SGCD: variants seen among roughly 807,000 people sequenced by gnomAD.
SGCD encodes sarcoglycan delta, also known as delta-sarcoglycan.
A neutral mutation model predicts 36.6 loss-of-function variants in SGCD; 18 were observed. The observed-to-expected ratio is 0.49, with a 90% CI of 0.34 to 0.73. The LOEUF (loss-of-function observed/expected upper bound fraction) is 0.73, where lower values mean the gene tolerates loss of function less well. SGCD is among the 30% of genes least tolerant of loss of function. SGCD has a pLI of 0.01. For synonymous variants in SGCD, 133 were observed against 130.6 expected (o/e 1.02, Z -0.12); for missense variants, 387 against 346.7 (o/e 1.12, Z -0.92).
intron 2 of SGCD, among the ~76,000 whole-genome samples, chr5:156,122,648 A>G (rs1275782820): frequency 4.0e-5 from 6 of 151,776 alleles, no homozygotes; most frequent in African/African-American, 1.5e-4. Flanking sequence ...TGCATCAAAT[A>G]TCAAGCAGGA....
chr5:156,085,430 T>C (rs1761069071), intron 1 of SGCD, among the ~76,000 whole-genome samples: 5 of 152,180 alleles, frequency 3.3e-5, no homozygotes, highest in Admixed American at 3.3e-4. Flanking sequence ...CCTCTTCCTC[T>C]GGCTTTTGCC....
chr5:156,675,179 T>G (rs1166428406), intron 7 of SGCD, among the ~76,000 whole-genome samples: 2 of 152,164 alleles, frequency 1.3e-5, no homozygotes, highest in African/African-American at 2.4e-5. Context: ...CTGTCTCAGT[T>G]CCCTCATTTG....
chr5:156,346,781 TA>T (rs70984405), intron 3 of SGCD, among the ~76,000 whole-genome samples: 1 of 151,564 alleles, frequency 6.6e-6, no homozygotes, highest in Admixed American at 6.6e-5. Context: ...GGCTTTACTT[TA>T]TTTTTTTATT....
intron 6 of SGCD, among the ~76,000 whole-genome samples, chr5:156,642,493 G>A (rs541912756): frequency 9.2e-4 from 119 of 129,790 alleles, no homozygotes; most frequent in African/African-American, 3.1e-3. Flanking sequence ...TTTCCAAGAC[G>A]GAGTCTTGTT....
intron 4 of SGCD, among the ~76,000 whole-genome samples, chr5:156,519,822 C>T (rs752677262): frequency 2.0e-5 from 3 of 152,070 alleles, no homozygotes; most frequent in Admixed American, 6.6e-5. Context: ...CATTCCTTCC[C>T]GTTAAAAAAC....
chr5:156,486,513 C>T (rs1266192273), intron 3 of SGCD, among the ~76,000 whole-genome samples: 1 of 152,138 alleles, frequency 6.6e-6, no homozygotes, highest in Non-Finnish European at 1.5e-5. Flanking sequence ...CTCTGCCTAT[C>T]ACCACCCCTG....
chr5:155,822,561 GA>G, the SGCD span, among the ~76,000 whole-genome samples: 119,435 of 152,120 alleles, frequency 0.79, 47,269 homozygotes, highest in East Asian at 0.91. Flanking sequence ...TGGAACAAAG[GA>G]AAAAATCTAT....
chr5:155,728,024 G>T, the SGCD span, among the ~76,000 whole-genome samples: 1 of 152,024 alleles, frequency 6.6e-6, no homozygotes, highest in South Asian at 2.1e-4. Flanking sequence ...CCCGCGTTTC[G>T]CTGGGGCTCC....
intron 4 of SGCD, among the ~76,000 whole-genome samples, chr5:156,536,810 C>T (rs1037701163): frequency 6.6e-6 from 1 of 152,132 alleles, no homozygotes; most frequent in Non-Finnish European, 1.5e-5. Context: ...TTTCAAACCT[C>T]ATTCAAAGTT....
chr5:156,683,567 TC>T (rs1173850256), intron 7 of SGCD, among the ~76,000 whole-genome samples: 14 of 152,340 alleles, frequency 9.2e-5, no homozygotes, highest in African/African-American at 3.1e-4. Context: ...CTGACACAGG[TC>T]CAAATGTCTT....
At chr5:156,749,310 A>G (rs1418690767) in intron 7 of SGCD, among the ~76,000 whole-genome samples, 1 of 152,212 alleles carries the variant, frequency 6.6e-6, no homozygotes, top group Non-Finnish European at 1.5e-5. Flanking sequence ...GTCAAAGAAA[A>G]ATTCATAACT....
intron 6 of SGCD, among the ~76,000 whole-genome samples, chr5:156,607,055 T>C (rs1444926852): frequency 6.6e-6 from 1 of 152,218 alleles, no homozygotes; most frequent in Non-Finnish European, 1.5e-5. Flanking sequence ...CCTGCCTAAT[T>C]GCCCTGGCCA....
chr5:156,044,891 G>T (rs559892953), intron 1 of SGCD, among the ~76,000 whole-genome samples: 1 of 152,002 alleles, frequency 6.6e-6, no homozygotes, highest in Non-Finnish European at 1.5e-5. Context: ...ATACACACAT[G>T]CACACTGCCT....
chr5:156,666,769 T>A (rs990974055), intron 7 of SGCD, among the ~76,000 whole-genome samples: 3 of 151,718 alleles, frequency 2.0e-5, no homozygotes, highest in African/African-American at 7.3e-5. Context: ...GGTCATAGAT[T>A]AACAGAATCT....
chr5:155,882,242 T>A (rs574944558), intron 1 of SGCD, among the ~76,000 whole-genome samples: 1 of 152,060 alleles, frequency 6.6e-6, no homozygotes, highest in South Asian at 2.1e-4. Flanking sequence ...CACCTGACTT[T>A]TTTTTAAAAA....
chr5:156,270,759 G>T (rs907553720), intron 3 of SGCD, among the ~76,000 whole-genome samples: 3 of 152,160 alleles, frequency 2.0e-5, no homozygotes, highest in Non-Finnish European at 4.4e-5. Context: ...CATCTGTGTA[G>T]TAGGGGCATT....
At chr5:156,664,474 C>A (rs1764063277) in intron 7 of SGCD, among the ~76,000 whole-genome samples, 1 of 141,072 alleles carries the variant, frequency 7.1e-6, no homozygotes, top group South Asian at 2.3e-4. Context: ...GCAGGTACTT[C>A]CTGGGTCTTG....
intron 3 of SGCD, among the ~76,000 whole-genome samples, chr5:156,410,305 T>C (rs957241757): frequency 6.6e-6 from 1 of 152,142 alleles, no homozygotes; most frequent in Non-Finnish European, 1.5e-5. Flanking sequence ...AAATACTGCA[T>C]GTTCTTACTT....
At chr5:155,905,186 T>C (rs1249596600) in intron 1 of SGCD, among the ~76,000 whole-genome samples, 1 of 152,184 alleles carries the variant, frequency 6.6e-6, no homozygotes, top group East Asian at 1.9e-4. Context: ...CTGGAAAGTA[T>C]AGTTCCAGTT....
Sources: allele counts gnomAD v4.1 joint callset (sites outside exome capture counted in the v4.1 genomes callset), GRCh38; gene constraint gnomAD v4.1.1; transcripts MANE v1.5; gene names NCBI Gene and HGNC (gene_info 2026-07-23, HGNC 2026-07-21).